GRID2: variants seen among roughly 807,000 people sequenced by gnomAD.
The protein encoded by GRID2 is glutamate receptor ionotropic, delta-2.
GRID2 carries 33 observed loss-of-function variants against 114.8 expected under a neutral mutation model. The observed-to-expected ratio is 0.29, with a 90% CI of 0.22 to 0.38. GRID2 has a LOEUF of 0.38. Among genes scored for constraint, GRID2 ranks in the 10% least tolerant of loss-of-function variants. The pLI is 1.00. For missense variants in GRID2, 1,184 were observed against 1,257.7 expected (o/e 0.94, Z 0.89); for synonymous variants, 505 against 449.9 (o/e 1.12, Z -1.55).
At chr4:92,638,456 A>C (rs1731181529) in intron 2 of GRID2, among the ~76,000 whole-genome samples, 1 of 147,702 alleles carries the variant, frequency 6.8e-6, no homozygotes, top group African/African-American at 2.4e-5. Context: ...TAATATATAA[A>C]ATACATATAT....
intron 2 of GRID2, among the ~76,000 whole-genome samples, chr4:92,612,097 C>T (rs550612495): frequency 2.0e-5 from 3 of 151,262 alleles, no homozygotes; most frequent in South Asian, 4.2e-4. Flanking sequence ...CTAGAAAATG[C>T]CTATATTTAA....
At chr4:93,200,423 G>A (rs956003126) in intron 4 of GRID2, among the ~76,000 whole-genome samples, 5 of 151,796 alleles carry the variant, frequency 3.3e-5, no homozygotes, top group Non-Finnish European at 4.4e-5. Flanking sequence ...AAAATTAGCC[G>A]GGCGTGGTAG....
chr4:93,588,737 C>G (rs1341931212), intron 13 of GRID2, among the ~76,000 whole-genome samples: 1 of 152,146 alleles, frequency 6.6e-6, no homozygotes, highest in Admixed American at 6.6e-5. Context: ...CAGTACTGGT[C>G]CCCTGAAGGC....
chr4:93,616,860 T>G (rs1371791678), intron 13 of GRID2, among the ~76,000 whole-genome samples: 2 of 149,292 alleles, frequency 1.3e-5, no homozygotes, highest in African/African-American at 5.0e-5. Flanking sequence ...CCAGGCGTGG[T>G]GGTGGGCGCC....
intron 1 of GRID2, among the ~76,000 whole-genome samples, chr4:92,518,601 T>C (rs748060707): frequency 6.6e-6 from 1 of 151,604 alleles, no homozygotes; most frequent in Non-Finnish European, 1.5e-5. Context: ...TTTTGCAAGA[T>C]AGAAAAGTTC....
intron 13 of GRID2, among the ~76,000 whole-genome samples, chr4:93,528,371 G>A (rs1016991870): frequency 1.3e-5 from 2 of 150,294 alleles, no homozygotes; most frequent in African/African-American, 4.9e-5. Flanking sequence ...TTCCATAATG[G>A]TTGCACCATT....
intron 2 of GRID2, among the ~76,000 whole-genome samples, chr4:93,023,798 A>G (rs1422848601): frequency 6.6e-6 from 1 of 151,824 alleles, no homozygotes; most frequent in Non-Finnish European, 1.5e-5. Context: ...AGGGTAAAAT[A>G]TTTTTAAGAC....
At chr4:92,768,830 C>A (rs527685102) in intron 2 of GRID2, among the ~76,000 whole-genome samples, 1 of 152,280 alleles carries the variant, frequency 6.6e-6, no homozygotes, top group South Asian at 2.1e-4. Context: ...ATTCAATCAC[C>A]TCCCACTTCG....
chr4:92,749,005 TA>T (rs1386726831), intron 2 of GRID2, among the ~76,000 whole-genome samples: 1 of 150,928 alleles, frequency 6.6e-6, no homozygotes, highest in Non-Finnish European at 1.5e-5. Flanking sequence ...TTTATTTATT[TA>T]TTTTTGGAGG....
At chr4:93,247,247 T>G (rs2149525570) in intron 8 of GRID2, among the ~76,000 whole-genome samples, 1 of 152,294 alleles carries the variant, frequency 6.6e-6, no homozygotes, top group Middle Eastern at 3.4e-3. Flanking sequence ...ATTTTATGTG[T>G]CACCTTGACT....
intron 8 of GRID2, among the ~76,000 whole-genome samples, chr4:93,362,017 T>C (rs1479092975): frequency 6.6e-6 from 1 of 151,888 alleles, no homozygotes; most frequent in East Asian, 1.9e-4. Flanking sequence ...GGCCCCAGTG[T>C]GTGTTTTTAT....
chr4:93,089,152 C>G (rs1026094300), intron 3 of GRID2, among the ~76,000 whole-genome samples: 11 of 152,130 alleles, frequency 7.2e-5, no homozygotes, highest in African/African-American at 2.7e-4. Context: ...TGAATGATCT[C>G]TTCCTGTCCT....
At chr4:92,388,806 T>C (rs1730103394) in intron 1 of GRID2, among the ~76,000 whole-genome samples, 1 of 152,066 alleles carries the variant, frequency 6.6e-6, no homozygotes, top group Non-Finnish European at 1.5e-5. Flanking sequence ...TGAATCCCTG[T>C]TACAATTTTT....
rs188322461 is a variant in GRID2, at chr4:92,907,790, G to A, written c.245-177205G>A. On this transcript the variant is annotated intron_variant, in intron 2 of 15. Coordinates refer to ENST00000282020, the MANE Select transcript of GRID2 (RefSeq NM_001510.4). ...TGTAATCCAAGCACTTTGGGAGGCCGACATGGGCAGATCACCTGAGGTTAG... is the reference window on the plus strand; with the variant it reads ...TGTAATCCAAGCACTTTGGGAGGCCAACATGGGCAGATCACCTGAGGTTAG... 5.3e-5 allele frequency among the ~76,000 whole-genome samples: 8 copies of A among 152,172 alleles called. No individual in the cohort carries two copies. The East Asian group carries it at 7.8e-4, about 15-fold the overall frequency.
chr4:93,612,824 C>T (rs1302810311), intron 13 of GRID2, among the ~76,000 whole-genome samples: 2 of 101,562 alleles, frequency 2.0e-5, no homozygotes, highest in African/African-American at 3.6e-5. Flanking sequence ...ATCTTTGTGG[C>T]GTTCTCTGTA....
rs72887671 is a variant in GRID2 at position 93,139,866 on chromosome 4, C to T, written c.735+28913C>T. 2.5e-3 allele frequency among the ~76,000 whole-genome samples: 374 copies of T among 151,974 alleles called. 3 individuals are homozygous for T. Among genetic ancestry groups the T allele is most frequent in the African/African-American group, 8.6e-3 (356 of 41,418 alleles). On this transcript the variant is annotated intron_variant, in intron 4 of 15. Coordinates refer to ENST00000282020, the MANE Select transcript of GRID2 (RefSeq NM_001510.4). ...ATGGGAAACTAAACATTATGAGAAA[C>T]AGTTAATGTTATGAAAATGAAAGTA... is the stretch of plus-strand genomic sequence containing the variant.
intron 4 of GRID2, among the ~76,000 whole-genome samples, chr4:93,163,842 A>G (rs1403967170): frequency 2.0e-5 from 3 of 151,986 alleles, no homozygotes; most frequent in Non-Finnish European, 4.4e-5. Flanking sequence ...CTGTAACATA[A>G]CTAGTACTGG....
rs544490471 is a variant in GRID2 at position 93,204,598 on chromosome 4, T to C, written c.736-2806T>C. On this transcript the variant is annotated intron_variant, in intron 4 of 15. Transcript: ENST00000282020. Reference sequence around the variant, plus strand: ...ATGGCTTTAGACAACATGTTTGTCTTTCTTCTTCACTGAAATACAGGATTT... The same window carrying C: ...ATGGCTTTAGACAACATGTTTGTCTCTCTTCTTCACTGAAATACAGGATTT... Among the ~76,000 whole-genome samples, 16 of 152,284 alleles carry C rather than the reference T, an allele frequency of 1.1e-4. No individual in the cohort carries two copies. In the South Asian group the frequency reaches 3.3e-3, roughly 32 times the overall value.
chr4:92,368,559 C>T (rs1728977911), intron 1 of GRID2, among the ~76,000 whole-genome samples: 1 of 151,998 alleles, frequency 6.6e-6, no homozygotes, highest in Non-Finnish European at 1.5e-5. Flanking sequence ...TAGTTTTATA[C>T]TCACTTTGGA....
Sources: allele counts gnomAD v4.1 joint callset (sites outside exome capture counted in the v4.1 genomes callset), GRCh38; gene constraint gnomAD v4.1.1; transcripts MANE v1.5; gene names NCBI Gene and HGNC (gene_info 2026-07-23, HGNC 2026-07-21).